CFHR3: variants seen among roughly 807,000 people sequenced by gnomAD.
CFHR3 encodes the protein complement factor H related 3, also known as complement factor H-related protein 3.
In CFHR3, 22 loss-of-function variants were observed where a neutral mutation model predicts 36.0. The observed-to-expected ratio is 0.61, with a 90% CI of 0.44 to 0.87. CFHR3 has a LOEUF of 0.87. Among genes scored for constraint, CFHR3 ranks in the 40% least tolerant of loss-of-function variants. The probability of loss-of-function intolerance (pLI) is 0.00; values close to 1 mark genes in which losing one functional copy is unlikely to be tolerated. For missense variants in CFHR3, 276 were observed against 401.3 expected (o/e 0.69, Z 2.67); for synonymous variants, 97 against 137.4 (o/e 0.71, Z 2.06).
chr1:196,785,353 C>T (rs1277704983), intron 3 of CFHR3, among the ~76,000 whole-genome samples: 2 of 134,016 alleles, frequency 1.5e-5, no homozygotes, highest in African/African-American at 3.2e-5. Context: ...GTTGGCCTGC[C>T]TTGCTAGATT....
chr1:196,785,056 C>T (rs1394183117), intron 3 of CFHR3, among the ~76,000 whole-genome samples: 1 of 135,606 alleles, frequency 7.4e-6, no homozygotes, highest in Non-Finnish European at 1.6e-5. Flanking sequence ...TTCTCCTTCA[C>T]TTATGAAGCT....
intron 2 of CFHR3, 69 bp downstream of exon 2, chr1:196,779,425 T>C: frequency 8.6e-7 from 1 of 1,166,832 alleles, no homozygotes. Context: ...GAGCACATAA[T>C]TGATTACTCT....
At chr1:196,778,289 G>C (rs1653812834) in intron 1 of CFHR3, among the ~76,000 whole-genome samples, 1 of 136,280 alleles carries the variant, frequency 7.3e-6, no homozygotes, top group Non-Finnish European at 1.6e-5. Context: ...TCTGAACTTA[G>C]TCTTCTCATC....
chr1:196,784,541 C>A, intron 3 of CFHR3, among the ~76,000 whole-genome samples: 1 of 135,782 alleles, frequency 7.4e-6, no homozygotes, highest in Non-Finnish European at 1.6e-5. Flanking sequence ...TGAATTGATC[C>A]CTTTACCATT....
In CFHR3 at chr1:196,787,873, A is replaced by T. The variant is rs557300805; in HGVS notation, c.431-343A>T. ...AGGTTTAAGACCCCTTAATAGTACC[A>T]AAAATACTCAGGTTGTTGCAAAGTA... is the stretch of plus-strand genomic sequence containing the variant. On this transcript the variant is annotated intron_variant, in intron 3 of 5. Coordinates refer to ENST00000367425, the MANE Select transcript of CFHR3 (RefSeq NM_021023.6). Among the ~76,000 whole-genome samples the T allele has an allele frequency of 2.9e-5, 4 of 137,010 alleles. 1 individual carries two copies. Among genetic ancestry groups the T allele is most frequent in the Non-Finnish European group, 6.2e-5 (4 of 64,580 alleles). The allele number at this position is 137,010 out of a possible 152,430, so 89.9% of individuals were successfully genotyped here. A position where few individuals can be genotyped will look rare whatever the true frequency, so the allele number is the denominator to read the frequency against.
At chr1:196,775,068 G>T in intron 1 of CFHR3, 124 bp downstream of exon 1, 2 of 845,322 alleles carry the variant, frequency 2.4e-6, no homozygotes, top group Non-Finnish European at 1.8e-6. Context: ...GCTAGTAGAA[G>T]TGACATATTT....
Position 196,794,294 on chromosome 1 carries a change from C to G in CFHR3, c.*781C>G, listed in dbSNP as rs1339115377. Among the ~76,000 whole-genome samples the G allele has an allele frequency of 2.9e-5, 4 of 136,058 alleles. 1 individual carries two copies. Among genetic ancestry groups the G allele is most frequent in the African/African-American group, 3.1e-5 (1 of 32,360 alleles). The allele number at this position is 136,058 out of a possible 152,430, so 89.3% of individuals were successfully genotyped here. On this transcript the variant is annotated 3_prime_UTR_variant, in exon 6 of 6. Coordinates refer to ENST00000367425, the MANE Select transcript of CFHR3 (RefSeq NM_021023.6). ...CCTGTTCAACACGGTGAAACCCTGT[C>G]TCTACTAAAAATAGAAAAACTAGCT...
At position 196,790,872 on chromosome 1, in the gene CFHR3, A is replaced by G. The variant is rs1447416926; in HGVS notation, c.796+645A>G. Among the ~76,000 whole-genome samples, 12 of 136,652 alleles carry G rather than the reference A, an allele frequency of 8.8e-5. 3 individuals carry two copies. Among genetic ancestry groups the G allele is most frequent in the African/African-American group, 3.6e-4 (12 of 32,888 alleles). 89.6% of individuals were successfully genotyped at this position (136,652 alleles called of 152,430 possible). On this transcript the variant is annotated intron_variant, in intron 5 of 5. Coordinates refer to ENST00000367425, the MANE Select transcript of CFHR3 (RefSeq NM_021023.6). ...TTGTTAATGGATACAATGAGTCTTC[A>G]AGAATGACAACCATTTATTGCGCAC...
intron 1 of CFHR3, among the ~76,000 whole-genome samples, chr1:196,778,580 A>G (rs1466733807): frequency 7.3e-6 from 1 of 136,444 alleles, no homozygotes. Context: ...TTTTATGTCA[A>G]TAATATATCT....
intron 3 of CFHR3, among the ~76,000 whole-genome samples, chr1:196,781,602 T>C (rs1653951717): frequency 7.3e-6 from 1 of 137,126 alleles, no homozygotes; most frequent in Non-Finnish European, 1.5e-5. Flanking sequence ...AATGTCTTCT[T>C]TTGAGAAGCA....
intron 5 of CFHR3, among the ~76,000 whole-genome samples, chr1:196,790,795 A>G (rs1654400835): frequency 7.7e-6 from 1 of 130,420 alleles, no homozygotes; most frequent in Non-Finnish European, 1.6e-5. Context: ...ACAGAAGAAG[A>G]AGAAAAGAAA....
chr1:196,790,853 A>G (rs1654404343), intron 5 of CFHR3, among the ~76,000 whole-genome samples: 1 of 136,378 alleles, frequency 7.3e-6, no homozygotes, highest in African/African-American at 3.1e-5. Flanking sequence ...CAATTTGTTA[A>G]TGGATACAAT....
chr1:196,782,936 G>T (rs1654018725), intron 3 of CFHR3, among the ~76,000 whole-genome samples: 1 of 136,540 alleles, frequency 7.3e-6, no homozygotes, highest in South Asian at 2.6e-4. Flanking sequence ...ATTGGCTGTG[G>T]GTTTGTCATA....
rs377378334 is a variant in CFHR3, at chr1:196,788,334, T to A, written c.549T>A (p.Asp183Glu). The change falls in exon 4 of 6, where the codon GAT (aspartate) becomes GAA (glutamate). Residue 183 changes from aspartate (D) to glutamate (E), a missense_variant. Physicochemically the swap from Asp to Glu is conservative, Grantham distance 45. This residue lies in a region of CFHR3 where 178 missense variants were observed against 247.2 expected (regional missense o/e 0.72). Coordinates refer to ENST00000367425, the MANE Select transcript of CFHR3 (RefSeq NM_021023.6). ...YKCKPGYATA[D>E]GNSSGSITCL... is the part of the protein sequence containing the mutation. ...GTAAACCAGGATATGCAACAGCAGA[T>A]GGAAATTCTTCAGGATCAATTACAT... The A allele has an allele frequency of 2.9e-5, 45 of 1,529,030 alleles. 7 individuals carry two copies. The highest frequency in any genetic ancestry group is 4.0e-5 in the Non-Finnish European group (45 of 1,131,678). 94.7% of individuals were successfully genotyped at this position (1,529,030 alleles called of 1,614,324 possible).
At chr1:196,790,647 C>A (rs1260572681) in intron 5 of CFHR3, among the ~76,000 whole-genome samples, 1 of 134,990 alleles carries the variant, frequency 7.4e-6, no homozygotes, top group East Asian at 2.0e-4. Context: ...TCATTTGAAC[C>A]CGGGAGGCAG....
Position 196,794,446 on chromosome 1 carries a change from G to C in CFHR3, c.*933G>C, listed in dbSNP as rs1026992089. 5.6e-6 allele frequency: 2 copies of C among 357,526 alleles called. No homozygotes were observed. The highest frequency in any genetic ancestry group is 1.1e-5 in the Non-Finnish European group (2 of 184,088). The allele number at this position is 357,526 out of a possible 1,614,324, so 22.1% of individuals were successfully genotyped here. On this transcript the variant is annotated 3_prime_UTR_variant, in exon 6 of 6. Coordinates refer to ENST00000367425, the MANE Select transcript of CFHR3 (RefSeq NM_021023.6). The stretch of plus-strand genomic sequence containing the variant: ...CCACTGCACTCCAGCCTGGGCAATA[G>C]AGTGAGACTCTGTCTTAAAAATAAA...
At position 196,780,057 on chromosome 1, in the gene CFHR3, T is replaced by C. The variant is rs1194998684; in HGVS notation, c.430+84T>C. 2 of 1,472,372 alleles carry C rather than the reference T, an allele frequency of 1.4e-6. 1 individual carries two copies. The allele number at this position is 1,472,372 out of a possible 1,614,324, so 91.2% of individuals were successfully genotyped here. ...CAGTCTCAGACTTGTCTATATTAAC[T>C]GTGGCAAAATGTTTTTGTCAACTTG... On this transcript the variant is annotated intron_variant, in intron 3 of 5. Transcript: ENST00000367425.
intron 3 of CFHR3, among the ~76,000 whole-genome samples, chr1:196,782,755 AC>A (rs1337246091): frequency 7.3e-6 from 1 of 137,142 alleles, no homozygotes; most frequent in East Asian, 2.0e-4. Flanking sequence ...GCAAACAAGG[AC>A]AATTTGACTT....
intron 3 of CFHR3, among the ~76,000 whole-genome samples, chr1:196,786,886 G>A (rs891051219): frequency 4.4e-5 from 6 of 137,264 alleles, no homozygotes; most frequent in East Asian, 2.0e-4. Flanking sequence ...GAAATCACCC[G>A]TCTTCTGCGT....
Sources: allele counts gnomAD v4.1 joint callset (sites outside exome capture counted in the v4.1 genomes callset), GRCh38; gene constraint gnomAD v4.1.1; regional missense constraint gnomAD v4.1.1; transcripts MANE v1.5; gene names NCBI Gene and HGNC (gene_info 2026-07-23, HGNC 2026-07-21).